The following FAM107A variants were observed in gnomAD, a reference collection of about 807,000 sequenced individuals.
The protein encoded by FAM107A is family with sequence similarity 107 member A.
Under a neutral mutation model 13.7 loss-of-function variants are expected in FAM107A, and 19 were observed. The ratio of observed to expected loss-of-function variants is 1.38; its 90% CI spans 0.97 to 2.03. The LOEUF is 2.03. FAM107A is among the 30% of genes most tolerant of loss of function. FAM107A has a pLI of 0.00. For synonymous variants in FAM107A, 82 were observed against 74.5 expected (o/e 1.10, Z -0.52); for missense variants, 203 against 184.4 (o/e 1.10, Z -0.58).
Position 58,615,221 on chromosome 3 carries a change from A to G in FAM107A, c.-70+12195T>C, listed in dbSNP as rs957065186. On this transcript the variant is annotated intron_variant, in intron 1 of 3. Transcript: ENST00000465970. Reference sequence around the variant, plus strand: ...CTTTTGGCCATCTTCAATATCATGTATTTTTATTCTTTAATTTTGGTTCTT... The same window carrying G: ...CTTTTGGCCATCTTCAATATCATGTGTTTTTATTCTTTAATTTTGGTTCTT... Among the ~76,000 whole-genome samples, 7 of 152,280 alleles carry G rather than the reference A, an allele frequency of 4.6e-5. No homozygotes were observed. In the East Asian group the frequency reaches 1.3e-3, roughly 29 times the overall value.
At chr3:58,566,790 G>C in intron 3 of FAM107A, 95 bp from the exon 4 acceptor site, 1 of 1,003,016 alleles carries the variant, frequency 1.0e-6, no homozygotes, top group Non-Finnish European at 1.5e-6. Flanking sequence ...CCACTCAGTG[G>C]GGAAACAGAA....
chr3:58,609,218 G>C (rs918177455), intron 1 of FAM107A: 1 of 152,132 alleles, frequency 6.6e-6, no homozygotes, highest in Non-Finnish European at 1.5e-5. Context: ...GTGTGGTCTT[G>C]GGCAAATGGC....
At chr3:58,600,091 T>G (rs2065741533) in intron 1 of FAM107A, among the ~76,000 whole-genome samples, 1 of 152,176 alleles carries the variant, frequency 6.6e-6, no homozygotes, top group Non-Finnish European at 1.5e-5. Flanking sequence ...TTTTGGAGAT[T>G]GAGCCTTCTT....
chr3:58,594,852 C>T (rs543933799), intron 1 of FAM107A, among the ~76,000 whole-genome samples: 2 of 152,286 alleles, frequency 1.3e-5, no homozygotes, highest in African/African-American at 4.8e-5. Flanking sequence ...GATAGAGCCC[C>T]AAAACTTGCC....
At chr3:58,625,627 T>A (rs2066006831) in intron 1 of FAM107A, among the ~76,000 whole-genome samples, 1 of 152,216 alleles carries the variant, frequency 6.6e-6, no homozygotes. Flanking sequence ...TCCCACAGCT[T>A]ATTGAATATG....
At chr3:58,589,582 C>T (rs1248332168), upstream of FAM107A, among the ~76,000 whole-genome samples, 1 of 152,224 alleles carries the variant, frequency 6.6e-6, no homozygotes, top group Admixed American at 6.5e-5. Context: ...TTATACTCCA[C>T]ACCCAATTTC....
intron 1 of FAM107A, among the ~76,000 whole-genome samples, chr3:58,623,765 C>T (rs728969): frequency 0.45 from 68,034 of 152,068 alleles, 15,802 homozygotes; most frequent in South Asian, 0.57. Flanking sequence ...AACCTCTCCA[C>T]GTCTCTGGAT....
At chr3:58,611,117 C>T (rs4596165) in intron 1 of FAM107A, among the ~76,000 whole-genome samples, 28,289 of 152,194 alleles carry the variant, frequency 0.19, 3,300 homozygotes, top group East Asian at 0.47. Flanking sequence ...TTCCCTTTGC[C>T]TTCTGCCATG....
rs894227745 is a variant in FAM107A at position 58,616,090 on chromosome 3, C to T, written c.-70+11326G>A. Among the ~76,000 whole-genome samples, 11 of 152,072 alleles carry T rather than the reference C, an allele frequency of 7.2e-5. No homozygotes were observed. In the South Asian group the frequency reaches 1.2e-3, roughly 17 times the overall value. ...TGTATGGAGTAGGGAGCCCAGAGCACGATCAGCCAGGGCCTGTGGTGTTCC... is the reference window on the plus strand; with the variant it reads ...TGTATGGAGTAGGGAGCCCAGAGCATGATCAGCCAGGGCCTGTGGTGTTCC... On this transcript the variant is annotated intron_variant, in intron 1 of 3. Transcript: ENST00000465970.
At chr3:58,572,638 A>G (rs2063695325) in intron 1 of FAM107A, 1 of 151,892 alleles carries the variant, frequency 6.6e-6, no homozygotes, top group African/African-American at 2.4e-5. Flanking sequence ...AGTTATAAAA[A>G]GGTTATTCTC....
At chr3:58,627,206 C>A (rs2066027463) in intron 1 of FAM107A, 2 of 570,240 alleles carry the variant, frequency 3.5e-6, no homozygotes, top group Non-Finnish European at 6.2e-6. Context: ...TTGATCCTGA[C>A]AGAGGGGCCA....
intron 1 of FAM107A, among the ~76,000 whole-genome samples, chr3:58,575,164 G>C (rs992313901): frequency 6.6e-6 from 1 of 152,206 alleles, no homozygotes; most frequent in African/African-American, 2.4e-5. Flanking sequence ...AGCCAGTAAA[G>C]CAATGGTTAA....
chr3:58,616,479 T>C (rs2065901743), intron 1 of FAM107A, among the ~76,000 whole-genome samples: 1 of 151,380 alleles, frequency 6.6e-6, no homozygotes, highest in South Asian at 2.1e-4. Context: ...GATGAGGTCA[T>C]TAGGGTAGGC....
At chr3:58,599,604 T>A (rs2065735175) in intron 1 of FAM107A, among the ~76,000 whole-genome samples, 1 of 151,634 alleles carries the variant, frequency 6.6e-6, no homozygotes, top group Non-Finnish European at 1.5e-5. Context: ...CAGGGTGCTG[T>A]TGATGTTCTG....
intron 1 of FAM107A, among the ~76,000 whole-genome samples, chr3:58,583,514 C>T (rs1000493943): frequency 6.6e-6 from 1 of 151,876 alleles, no homozygotes; most frequent in Non-Finnish European, 1.5e-5. Context: ...TCCAGCTACT[C>T]AGGAGGCTGA....
At chr3:58,612,334 T>A (rs1261722270) in intron 1 of FAM107A, among the ~76,000 whole-genome samples, 1 of 152,152 alleles carries the variant, frequency 6.6e-6, no homozygotes, top group Non-Finnish European at 1.5e-5. Context: ...AATCCCAGCA[T>A]TTTGGGAGGC....
At chr3:58,615,506 C>T (rs1009909943) in intron 1 of FAM107A, among the ~76,000 whole-genome samples, 2 of 152,284 alleles carry the variant, frequency 1.3e-5, no homozygotes, top group South Asian at 2.1e-4. Context: ...AGATTTGAGA[C>T]AGTTAAATAA....
intron 1 of FAM107A, chr3:58,573,549 G>A (rs567108011): frequency 6.6e-6 from 1 of 152,456 alleles, no homozygotes; most frequent in Non-Finnish European, 1.5e-5. Flanking sequence ...GCTAAGAGGG[G>A]AAGTGGGCAT....
chr3:58,604,708 G>A lies in FAM107A; in HGVS notation c.-69-15439C>T, dbSNP rs915674195. ...GAGATAAGCAGCTGGCATTTGTTGG[G>A]CATCTACTATGTGCTAAACACTGGA... is the stretch of plus-strand genomic sequence containing the variant. On this transcript the variant is annotated intron_variant, in intron 1 of 3. Coordinates refer to the FAM107A transcript ENST00000465970. The surrounding 1 kb of genome is among the most constrained non-coding windows in gnomAD (Gnocchi z 4.1). Among the ~76,000 whole-genome samples, 8 of 152,154 alleles carry A rather than the reference G, an allele frequency of 5.3e-5. No individual in the cohort carries two copies. Among genetic ancestry groups the A allele is most frequent in the African/African-American group, 1.9e-4 (8 of 41,438 alleles).
Sources: gnomAD v4.1 joint callset for allele counts (sites outside exome capture counted in the v4.1 genomes callset) on GRCh38, gnomAD v4.1.1 for gene constraint, Gnocchi (gnomAD v3.1) non-coding constraint, MANE v1.5 for transcripts, NCBI Gene and HGNC (gene_info 2026-07-23, HGNC 2026-07-21) for gene names.